OPCML: variants seen among roughly 807,000 people sequenced by gnomAD.
OPCML encodes the protein opioid binding protein/cell adhesion molecule like, also known as opioid-binding protein/cell adhesion molecule.
A neutral mutation model predicts 37.8 loss-of-function variants in OPCML; 13 were observed. That is an observed-to-expected ratio of 0.34 (90% CI 0.22 to 0.55). The LOEUF (loss-of-function observed/expected upper bound fraction) is 0.55. OPCML is among the 20% of genes least tolerant of loss of function. The pLI, the probability that OPCML is intolerant of heterozygous loss-of-function variation, is 0.91. For synonymous variants in OPCML, 176 were observed against 168.8 expected (o/e 1.04, Z -0.33); for missense variants, 341 against 435.6 (o/e 0.78, Z 1.93).
chr11:132,802,099 T>G (rs1938689255), intron 2 of OPCML, among the ~76,000 whole-genome samples: 1 of 152,176 alleles, frequency 6.6e-6, no homozygotes, highest in African/African-American at 2.4e-5. Flanking sequence ...CCCTTTTCTT[T>G]TTGACCATCA....
chr11:133,498,269 C>G (rs1183892600), intron 1 of OPCML, among the ~76,000 whole-genome samples: 1 of 152,146 alleles, frequency 6.6e-6, no homozygotes, highest in Non-Finnish European at 1.5e-5. Flanking sequence ...GCTTTACTCC[C>G]TTCCAAAGCT....
chr11:132,430,222 G>C (rs1439780310), intron 7 of OPCML, among the ~76,000 whole-genome samples: 2 of 152,146 alleles, frequency 1.3e-5, no homozygotes, highest in Non-Finnish European at 2.9e-5. Context: ...GTCCCAGCTA[G>C]AGCCACCTGG....
At chr11:132,909,924 G>A (rs934277011) in intron 2 of OPCML, among the ~76,000 whole-genome samples, 5 of 152,116 alleles carry the variant, frequency 3.3e-5, no homozygotes, top group East Asian at 3.9e-4. Flanking sequence ...TTATTGTGTC[G>A]TGTTATTACA....
At chr11:133,270,861 T>A (rs1019658973) in intron 1 of OPCML, among the ~76,000 whole-genome samples, 1 of 152,202 alleles carries the variant, frequency 6.6e-6, no homozygotes, top group African/African-American at 2.4e-5. Context: ...TCTGCTGTGC[T>A]ACCAAGTTTA....
At chr11:132,646,697 G>A (rs1168175378) in intron 3 of OPCML, among the ~76,000 whole-genome samples, 2 of 152,110 alleles carry the variant, frequency 1.3e-5, no homozygotes, top group African/African-American at 4.8e-5. Context: ...TGAAGCCAAG[G>A]TTTTATACAC....
chr11:132,628,180 G>GT (rs920817442), intron 3 of OPCML, among the ~76,000 whole-genome samples: 3 of 152,066 alleles, frequency 2.0e-5, no homozygotes, highest in African/African-American at 7.2e-5. Context: ...TTACCTTGGC[G>GT]TAAGTAATGA....
intron 1 of OPCML, among the ~76,000 whole-genome samples, chr11:133,144,443 A>C (rs147901244): frequency 8.3e-4 from 126 of 152,362 alleles, no homozygotes; most frequent in African/African-American, 2.8e-3. Context: ...TATCCATTTC[A>C]AATTCCTCCC....
chr11:133,074,540 C>T lies in OPCML; in HGVS notation c.62-131530G>A, dbSNP rs562388912. ...CATGGTGGGAGCCTATGCAGACTTT[C>T]CAGGCCAGACTTCAGAGGTCCTTGA... On this transcript the variant is annotated intron_variant, in intron 1 of 7. Coordinates refer to ENST00000524381, the MANE Select transcript of OPCML (RefSeq NM_001012393.5). Among the ~76,000 whole-genome samples, 333 of 152,186 alleles carry T rather than the reference C, an allele frequency of 2.2e-3. 1 individual carries two copies. The highest frequency in any genetic ancestry group is 7.6e-3 in the African/African-American group (316 of 41,470).
chr11:133,403,923 A>T (rs1945465282), intron 1 of OPCML, among the ~76,000 whole-genome samples: 1 of 152,248 alleles, frequency 6.6e-6, no homozygotes, highest in Non-Finnish European at 1.5e-5. Context: ...AGATGTATAC[A>T]CAAAAGATAA....
intron 2 of OPCML, among the ~76,000 whole-genome samples, chr11:132,670,346 C>T (rs753634976): frequency 5.3e-5 from 8 of 152,092 alleles, no homozygotes; most frequent in Non-Finnish European, 1.0e-4. Context: ...CCTACAAATA[C>T]CTGCCTACAT....
chr11:132,831,269 A>G (rs910009300), intron 2 of OPCML, among the ~76,000 whole-genome samples: 4 of 152,014 alleles, frequency 2.6e-5, no homozygotes, highest in African/African-American at 9.7e-5. Context: ...TCCAAACTCC[A>G]AACAACAAAT....
chr11:133,524,768 G>C (rs1313419956), intron 1 of OPCML, among the ~76,000 whole-genome samples: 1 of 152,224 alleles, frequency 6.6e-6, no homozygotes, highest in African/African-American at 2.4e-5. Flanking sequence ...ATCATTATAA[G>C]CATTCCCTGC....
chr11:132,750,554 G>T (rs193030006), intron 2 of OPCML, among the ~76,000 whole-genome samples: 7 of 152,270 alleles, frequency 4.6e-5, no homozygotes, highest in Admixed American at 4.6e-4. Context: ...TAGCAAAATA[G>T]CAGCAAGTCA....
intron 4 of OPCML, among the ~76,000 whole-genome samples, chr11:132,493,773 A>C (rs531457109): frequency 6.6e-6 from 1 of 152,256 alleles, no homozygotes; most frequent in Non-Finnish European, 1.5e-5. Flanking sequence ...TAAAGAAAAC[A>C]CTAACATTAA....
intron 2 of OPCML, among the ~76,000 whole-genome samples, chr11:132,889,103 A>G (rs893037873): frequency 6.6e-6 from 1 of 152,246 alleles, no homozygotes; most frequent in Non-Finnish European, 1.5e-5. Context: ...GGCAATGTAT[A>G]GAGAACATCT....
intron 4 of OPCML, among the ~76,000 whole-genome samples, chr11:132,440,427 C>T (rs1431870763): frequency 6.6e-6 from 1 of 152,130 alleles, no homozygotes; most frequent in African/African-American, 2.4e-5. Flanking sequence ...GGGCTGCCTC[C>T]ATGGCTGGGC....
intron 4 of OPCML, among the ~76,000 whole-genome samples, chr11:132,485,268 G>A (rs926153953): frequency 6.6e-6 from 1 of 152,252 alleles, no homozygotes; most frequent in Non-Finnish European, 1.5e-5. Flanking sequence ...TCATAAATAA[G>A]TGTTTATGAC....
chr11:133,287,635 G>A (rs1214315242), intron 1 of OPCML, among the ~76,000 whole-genome samples: 9 of 152,050 alleles, frequency 5.9e-5, no homozygotes, highest in East Asian at 1.9e-4. Flanking sequence ...GGGCTGCAGC[G>A]CCTGGGGCAG....
intron 1 of OPCML, among the ~76,000 whole-genome samples, chr11:133,315,400 CACTT>C (rs1943181511): frequency 2.0e-5 from 3 of 152,080 alleles, no homozygotes; most frequent in Admixed American, 2.0e-4. Flanking sequence ...GTTGAATTGA[CACTT>C]AGGAAAACCA....
Sources: allele counts gnomAD v4.1 joint callset (sites outside exome capture counted in the v4.1 genomes callset), GRCh38; gene constraint gnomAD v4.1.1; transcripts MANE v1.5; gene names NCBI Gene and HGNC (gene_info 2026-07-23, HGNC 2026-07-21).